The following RABEP1 variants were observed in gnomAD, a reference collection of about 807,000 sequenced individuals.
RABEP1 encodes rab GTPase-binding effector protein 1.
RABEP1 carries 51 observed loss-of-function variants against 123.4 expected under a neutral mutation model. The observed-to-expected ratio is 0.41, with a 90% CI of 0.33 to 0.52. The LOEUF is 0.52. Ranked by LOEUF, RABEP1 falls within the 20% of genes least tolerant of loss-of-function variation. The probability of loss-of-function intolerance (pLI) is 0.16; values close to 1 mark genes in which losing one functional copy is unlikely to be tolerated. For synonymous variants in RABEP1, 347 were observed against 355.2 expected (o/e 0.98, Z 0.26); for missense variants, 888 against 996.3 (o/e 0.89, Z 1.46).
chr17:5,377,818 G>A (rs939183537), intron 14 of RABEP1, among the ~76,000 whole-genome samples: 11 of 152,152 alleles, frequency 7.2e-5, no homozygotes, highest in African/African-American at 2.7e-4. Context: ...AAGCCAACGC[G>A]CCTGGCCGAA....
intron 5 of RABEP1, among the ~76,000 whole-genome samples, chr17:5,340,382 A>C (rs867838323): frequency 6.6e-6 from 1 of 152,188 alleles, no homozygotes; most frequent in Non-Finnish European, 1.5e-5. Flanking sequence ...ATTAATCCCT[A>C]TAGTAGCCAC....
At chr17:5,377,381 T>G in intron 14 of RABEP1, 76 bp downstream of exon 14, 2 of 1,158,620 alleles carry the variant, frequency 1.7e-6, no homozygotes, top group Non-Finnish European at 1.2e-6. Flanking sequence ...TACATGGCCA[T>G]GGAGTCTGGA....
chr17:5,309,178 G>A (rs1009194238), intron 2 of RABEP1, among the ~76,000 whole-genome samples: 5 of 152,064 alleles, frequency 3.3e-5, no homozygotes, highest in Non-Finnish European at 5.9e-5. Context: ...TGAAACATCA[G>A]TTTTACCCAA....
intron 13 of RABEP1, among the ~76,000 whole-genome samples, chr17:5,374,797 C>G (rs1253260766): frequency 3.9e-5 from 6 of 152,214 alleles, no homozygotes; most frequent in Middle Eastern, 6.8e-3. Flanking sequence ...TGCCACTGTG[C>G]CTGGCAAATT....
At chr17:5,337,451 C>T (rs556158845) in intron 4 of RABEP1, among the ~76,000 whole-genome samples, 12 of 151,912 alleles carry the variant, frequency 7.9e-5, no homozygotes, top group African/African-American at 2.7e-4. Context: ...TTTGGGAGGC[C>T]GAGGCGGGCG....
intron 12 of RABEP1, among the ~76,000 whole-genome samples, chr17:5,372,384 G>A (rs754602874): frequency 3.0e-4 from 45 of 152,172 alleles, no homozygotes; most frequent in African/African-American, 9.2e-4. Context: ...TCGGGAGGTG[G>A]AGGTTGCAGT....
intron 2 of RABEP1, among the ~76,000 whole-genome samples, chr17:5,326,499 ATATG>A (rs1442753049): frequency 5.3e-5 from 8 of 152,336 alleles, no homozygotes; most frequent in African/African-American, 1.9e-4. Flanking sequence ...GAGGGGGTGA[ATATG>A]TAGAGTACAG....
intron 9 of RABEP1, among the ~76,000 whole-genome samples, chr17:5,362,648 T>G (rs1909653906): frequency 6.6e-6 from 1 of 152,242 alleles, no homozygotes; most frequent in South Asian, 2.1e-4. Flanking sequence ...GGATAGTACC[T>G]TTTGCTTGCT....
At chr17:5,377,833 C>T (rs1310076528) in intron 14 of RABEP1, among the ~76,000 whole-genome samples, 1 of 152,102 alleles carries the variant, frequency 6.6e-6, no homozygotes, top group Non-Finnish European at 1.5e-5. Context: ...GCCGAAAACT[C>T]GTCTTTTTAG....
chr17:5,305,827 T>G (rs2075174787), intron 1 of RABEP1, among the ~76,000 whole-genome samples: 1 of 152,198 alleles, frequency 6.6e-6, no homozygotes, highest in South Asian at 2.1e-4. Flanking sequence ...TTGCACATTT[T>G]CCTTCCAGTG....
intron 6 of RABEP1, among the ~76,000 whole-genome samples, chr17:5,347,389 G>A (rs1908149036): frequency 6.6e-6 from 1 of 151,018 alleles, no homozygotes; most frequent in African/African-American, 2.5e-5. Context: ...TGTCCTGGGC[G>A]ACAGAGCGAG....
intron 8 of RABEP1, among the ~76,000 whole-genome samples, chr17:5,357,281 G>A (rs531018327): frequency 9.2e-4 from 140 of 152,292 alleles, no homozygotes; most frequent in Non-Finnish European, 1.6e-3. Flanking sequence ...ATCATTAAAT[G>A]TTTTTCCCTG....
intron 11 of RABEP1, among the ~76,000 whole-genome samples, chr17:5,367,916 A>G (rs527505739): frequency 9.3e-5 from 14 of 150,376 alleles, no homozygotes; most frequent in Admixed American, 4.0e-4. Flanking sequence ...CACCACACCC[A>G]GCTAATTTTT....
intron 13 of RABEP1, 98 bp downstream of exon 13, chr17:5,373,552 C>T (rs755671249): frequency 2.2e-5 from 28 of 1,294,858 alleles, no homozygotes; most frequent in East Asian, 1.3e-4. Context: ...ATATAATTCA[C>T]GTGCCAATTC....
rs57770310 is a variant in RABEP1 at position 5,302,244 on chromosome 17, A to ATTTTTTT, written c.35-6442_35-6436dup. ...GATTTAGGGGAATGTTACTGAAAAC[A>ATTTTTTT]TTTTTTTTTTTTTTGAGATGGAGTC... is the stretch of plus-strand genomic sequence containing the variant. On this transcript the variant is annotated intron_variant, in intron 1 of 17. Coordinates refer to ENST00000537505, the MANE Select transcript of RABEP1 (RefSeq NM_004703.6). Among the ~76,000 whole-genome samples the ATTTTTTT allele has an allele frequency of 8.0e-4, 95 of 118,402 alleles. 11 individuals are homozygous for ATTTTTTT. Among genetic ancestry groups the ATTTTTTT allele is most frequent in the African/African-American group, 2.4e-3 (65 of 27,388 alleles). The allele number at this position is 118,402 out of a possible 152,430, so 77.7% of individuals were successfully genotyped here.
At position 5,386,237 on chromosome 17, in the gene RABEP1, ATT is replaced by A; in HGVS notation, c.*3016_*3017del. On this transcript the variant is annotated 3_prime_UTR_variant, in exon 18 of 18. Coordinates refer to ENST00000537505, the MANE Select transcript of RABEP1 (RefSeq NM_004703.6). ...GTTTACATGATTGCGGATATCATTGATTTGCTTCACCATTTCCCTTATATGTT... is the reference window on the plus strand; with the variant it reads ...GTTTACATGATTGCGGATATCATTGATGCTTCACCATTTCCCTTATATGTT... 6.2e-7 allele frequency: 1 copy of A among 1,613,442 alleles called. No homozygotes were observed. Among genetic ancestry groups the A allele is most frequent in the Non-Finnish European group, 8.5e-7 (1 of 1,179,768 alleles).
rs749606376 is a variant in RABEP1, at chr17:5,378,269, C to A, written c.2271+37C>A. The A allele has an allele frequency of 6.6e-7, 1 of 1,512,936 alleles. No homozygotes were observed. The highest frequency in any genetic ancestry group is 9.2e-7 in the Non-Finnish European group (1 of 1,088,316). The allele number at this position is 1,512,936 out of a possible 1,614,324, so 93.7% of individuals were successfully genotyped here. The stretch of plus-strand genomic sequence containing the variant: ...GTTTCAAATTAATTCTATCAGCAAC[C>A]AGTGGTTATTTACTGACTCCTACTA... On this transcript the variant is annotated intron_variant, in intron 15 of 17. Coordinates refer to ENST00000537505, the MANE Select transcript of RABEP1 (RefSeq NM_004703.6).
At chr17:5,325,661 A>G (rs1035141464) in intron 2 of RABEP1, among the ~76,000 whole-genome samples, 2 of 147,522 alleles carry the variant, frequency 1.4e-5, no homozygotes, top group African/African-American at 5.4e-5. Context: ...TTCAAAATAG[A>G]AGAATTCGAA....
chr17:5,379,688 G>T (rs1477320218), intron 15 of RABEP1, among the ~76,000 whole-genome samples: 6 of 152,184 alleles, frequency 3.9e-5, no homozygotes, highest in Non-Finnish European at 5.9e-5. Flanking sequence ...CTGGCTTATT[G>T]TAACAGCCTA....
Sources: allele counts gnomAD v4.1 joint callset (sites outside exome capture counted in the v4.1 genomes callset), GRCh38; gene constraint gnomAD v4.1.1; transcripts MANE v1.5; gene names NCBI Gene and HGNC (gene_info 2026-07-23, HGNC 2026-07-21).